METTL25: variants seen among roughly 807,000 people sequenced by gnomAD.
The protein encoded by METTL25 is methyltransferase like 25.
A neutral mutation model predicts 71.6 loss-of-function variants in METTL25; 64 were observed. The ratio of observed to expected loss-of-function variants is 0.89; its 90% CI spans 0.73 to 1.10. The LOEUF is 1.10. Ranked by LOEUF, METTL25 falls within the 50% of genes least tolerant of loss-of-function variation. The pLI is 0.00. For synonymous variants in METTL25, 287 were observed against 250.3 expected (o/e 1.15, Z -1.38); for missense variants, 807 against 707.0 (o/e 1.14, Z -1.60).
At chr12:82,397,718 T>A (rs114813981) in intron 3 of METTL25, among the ~76,000 whole-genome samples, 1,865 of 152,214 alleles carry the variant, frequency 0.012, 28 homozygotes, top group African/African-American at 0.043. Context: ...TAAATTATCT[T>A]GGGCACTTTG....
chr12:82,409,903 C>T (rs1182138803), intron 5 of METTL25, among the ~76,000 whole-genome samples: 3 of 152,014 alleles, frequency 2.0e-5, no homozygotes, highest in East Asian at 3.9e-4. Flanking sequence ...CTGTGTCAAA[C>T]AGAAATTTGT....
intron 1 of METTL25, chr12:82,369,552 A>G (rs1478479562): frequency 4.7e-6 from 2 of 429,908 alleles, no homozygotes; most frequent in East Asian, 1.6e-4. Context: ...GAAGCCGCGG[A>G]CCTTCACGGT....
At chr12:82,383,433 A>G (rs1395594238) in intron 1 of METTL25, among the ~76,000 whole-genome samples, 1 of 152,086 alleles carries the variant, frequency 6.6e-6, no homozygotes, top group African/African-American at 2.4e-5. Flanking sequence ...ACTACCTTGG[A>G]TTCATCCACC....
intron 5 of METTL25, among the ~76,000 whole-genome samples, chr12:82,421,141 C>T (rs938884171): frequency 1.1e-4 from 17 of 152,046 alleles, no homozygotes; most frequent in African/African-American, 3.4e-4. Context: ...GAATTATAGG[C>T]GTGAGCCACC....
At chr12:82,459,576 G>A (rs1395011616) in intron 9 of METTL25, among the ~76,000 whole-genome samples, 1 of 152,168 alleles carries the variant, frequency 6.6e-6, no homozygotes, top group Non-Finnish European at 1.5e-5. Flanking sequence ...GCAGTGAGCT[G>A]TGCTTGTGCC....
chr12:82,399,102 A>AT lies in METTL25; in HGVS notation c.844dup (p.Ser282PhefsTer7), dbSNP rs1473794383. On this transcript the variant is annotated frameshift_variant, in exon 4 of 12. Coordinates refer to ENST00000248306, the MANE Select transcript of METTL25 (RefSeq NM_032230.3). LOFTEE classifies it high-confidence loss of function. ...ATGCCTACCTCAGCTATTTTGCCTG[A>AT]TTTTTCTGGCTCTGTAATTTCTAAT... 1 of 1,613,646 alleles carries AT rather than the reference A, an allele frequency of 6.2e-7. No individual in the cohort carries two copies. Among genetic ancestry groups the AT allele is most frequent in the Non-Finnish European group, 8.5e-7 (1 of 1,179,850 alleles).
chr12:82,400,262 G>A (rs2137011343), intron 4 of METTL25, among the ~76,000 whole-genome samples: 1 of 152,058 alleles, frequency 6.6e-6, no homozygotes, highest in South Asian at 2.1e-4. Flanking sequence ...AACCCTGGAG[G>A]TGGAGCTTGC....
At chr12:82,423,706 A>G (rs898926190) in intron 5 of METTL25, among the ~76,000 whole-genome samples, 4 of 152,298 alleles carry the variant, frequency 2.6e-5, no homozygotes, top group African/African-American at 9.6e-5. Context: ...GAAAAAAATA[A>G]CCCCATCAAA....
chr12:82,386,988 G>A lies in METTL25; in HGVS notation c.424+21G>A, dbSNP rs751792887. 14 of 1,588,394 alleles carry A rather than the reference G, an allele frequency of 8.8e-6. No homozygotes were observed. In the Admixed American group the frequency reaches 2.3e-4, roughly 26 times the overall value. On this transcript the variant is annotated intron_variant, in intron 2 of 11. Transcript: ENST00000248306. ...AATTGGTATGTCTATTTATGTGTGTGTATGTGTGCTTTTTAGGTACTTAGA... is the reference window on the plus strand; with the variant it reads ...AATTGGTATGTCTATTTATGTGTGTATATGTGTGCTTTTTAGGTACTTAGA...
At chr12:82,375,280 T>C (rs1362255070) in intron 1 of METTL25, among the ~76,000 whole-genome samples, 1 of 152,000 alleles carries the variant, frequency 6.6e-6, no homozygotes, top group Non-Finnish European at 1.5e-5. Context: ...ATGAATGAGA[T>C]TAGTGCCCGT....
intron 1 of METTL25, among the ~76,000 whole-genome samples, chr12:82,374,519 G>T (rs1006659227): frequency 6.6e-6 from 1 of 152,142 alleles, no homozygotes; most frequent in Admixed American, 6.5e-5. Context: ...ACAGGGTGCT[G>T]ATTGGTGCAT....
chr12:82,447,877 T>A (rs561407246), intron 8 of METTL25, among the ~76,000 whole-genome samples: 3 of 152,220 alleles, frequency 2.0e-5, no homozygotes, highest in Non-Finnish European at 4.4e-5. Context: ...CCACATATTA[T>A]ACTCCAATAT....
chr12:82,476,840 T>C (rs1892908412), intron 10 of METTL25, 122 bp downstream of exon 10: 2 of 600,632 alleles, frequency 3.3e-6, no homozygotes, highest in Middle Eastern at 2.9e-4. Flanking sequence ...AAAAACTGTT[T>C]TGGATCATTT....
chr12:82,388,170 C>T (rs2136951897), intron 2 of METTL25, among the ~76,000 whole-genome samples: 1 of 152,176 alleles, frequency 6.6e-6, no homozygotes, highest in Non-Finnish European at 1.5e-5. Flanking sequence ...TCCTTTTTCA[C>T]ATATCAAATT....
intron 6 of METTL25, among the ~76,000 whole-genome samples, chr12:82,431,707 C>T (rs371665144): frequency 3.5e-4 from 53 of 151,548 alleles, no homozygotes; most frequent in Admixed American, 2.4e-3. Flanking sequence ...AGATGCTGCT[C>T]AGCTTATGAT....
intron 5 of METTL25, among the ~76,000 whole-genome samples, chr12:82,415,148 A>G (rs1014848991): frequency 1.3e-5 from 2 of 152,158 alleles, no homozygotes; most frequent in Admixed American, 6.6e-5. Context: ...ATAGTCATGC[A>G]TAAAAATACC....
At chr12:82,385,295 G>A (rs1263515184) in intron 1 of METTL25, among the ~76,000 whole-genome samples, 1 of 151,918 alleles carries the variant, frequency 6.6e-6, no homozygotes, top group Non-Finnish European at 1.5e-5. Flanking sequence ...GTTTTGTCAG[G>A]TAACATCACT....
rs769253246 is a variant in METTL25 at position 82,477,266 on chromosome 12, A to AT, written c.1648-8dup. ...TAAGTACCACCAACCTACCTATCTAATTTTTTTATTTTAGTTGAAAGTTGT... is the reference window on the plus strand; with the variant it reads ...TAAGTACCACCAACCTACCTATCTAATTTTTTTTATTTTAGTTGAAAGTTGT... On this transcript the variant is annotated splice_polypyrimidine_tract_variant and intron_variant, in intron 10 of 11. Coordinates refer to ENST00000248306, the MANE Select transcript of METTL25 (RefSeq NM_032230.3). 3 of 1,415,636 alleles carry AT rather than the reference A, an allele frequency of 2.1e-6. No individual in the cohort carries two copies. Among genetic ancestry groups the AT allele is most frequent in the Non-Finnish European group, 2.9e-6 (3 of 1,038,300 alleles). The allele number at this position is 1,415,636 out of a possible 1,614,324, so 87.7% of individuals were successfully genotyped here. A position where few individuals can be genotyped will look rare whatever the true frequency, so the allele number is the denominator to read the frequency against.
intron 8 of METTL25, among the ~76,000 whole-genome samples, chr12:82,445,246 A>T (rs1243313454): frequency 6.6e-6 from 1 of 152,180 alleles, no homozygotes; most frequent in Non-Finnish European, 1.5e-5. Flanking sequence ...ATATATACAT[A>T]TTGTTTACCA....
Sources: allele counts gnomAD v4.1 joint callset (sites outside exome capture counted in the v4.1 genomes callset), GRCh38; gene constraint gnomAD v4.1.1; transcripts MANE v1.5; gene names NCBI Gene and HGNC (gene_info 2026-07-23, HGNC 2026-07-21).